Variants in NKAIN2 observed in about 807,000 individuals in gnomAD.
NKAIN2 encodes the protein sodium/potassium-transporting ATPase subunit beta-1-interacting protein 2.
A neutral mutation model predicts 32.6 loss-of-function variants in NKAIN2; 14 were observed. The ratio of observed to expected loss-of-function variants is 0.43; its 90% CI spans 0.28 to 0.67. The LOEUF (loss-of-function observed/expected upper bound fraction) is 0.67. Ranked by LOEUF, NKAIN2 falls within the 30% of genes least tolerant of loss-of-function variation. The pLI, the probability that NKAIN2 is intolerant of heterozygous loss-of-function variation, is 0.17. For missense variants in NKAIN2, 198 were observed against 258.3 expected, an observed-to-expected ratio of 0.77 and a Z score of 1.60; for synonymous variants, 80 against 87.2, an observed-to-expected ratio of 0.92 and a Z score of 0.46.
intron 2 of NKAIN2, among the ~76,000 whole-genome samples, chr6:124,349,028 A>G (rs60092376): frequency 0.043 from 6,578 of 152,194 alleles, 269 homozygotes; most frequent in African/African-American, 0.1. Context: ...ATTTGTTAGT[A>G]CAATGTTCCT....
chr6:124,141,268 A>G (rs1787125061), intron 1 of NKAIN2, among the ~76,000 whole-genome samples: 1 of 152,170 alleles, frequency 6.6e-6, no homozygotes, highest in Non-Finnish European at 1.5e-5. Context: ...TTCACAAAGA[A>G]AAAAAATACT....
intron 1 of NKAIN2, among the ~76,000 whole-genome samples, chr6:124,081,316 A>G (rs575281364): frequency 6.6e-5 from 10 of 152,208 alleles, no homozygotes; most frequent in Middle Eastern, 3.4e-3. Flanking sequence ...TAATGAGACC[A>G]ATTTTATTTG....
intron 3 of NKAIN2, among the ~76,000 whole-genome samples, chr6:124,643,595 A>G (rs1370508267): frequency 6.6e-6 from 1 of 152,180 alleles, no homozygotes; most frequent in African/African-American, 2.4e-5. Flanking sequence ...ACTATCTTAT[A>G]TAGATTCACA....
At chr6:123,848,285 C>A (rs9490966) in intron 1 of NKAIN2, among the ~76,000 whole-genome samples, 146,929 of 152,258 alleles carry the variant, frequency 0.96, 71,035 homozygotes, top group East Asian at 1. Flanking sequence ...TGCCAACTAC[C>A]GTATGATTCT....
chr6:124,387,181 A>G lies in NKAIN2; in HGVS notation c.273+31834A>G, dbSNP rs185952326. On this transcript the variant is annotated intron_variant, in intron 3 of 6. Coordinates refer to ENST00000368417, the MANE Select transcript of NKAIN2 (RefSeq NM_001040214.3). Reference sequence around the variant, plus strand: ...CACTTACATGTATGCATATACATACATACATTTATATCTTTTTAAAGTTGA... The same window carrying G: ...CACTTACATGTATGCATATACATACGTACATTTATATCTTTTTAAAGTTGA... Among the ~76,000 whole-genome samples the G allele has an allele frequency of 1.3e-3, 199 of 152,274 alleles. 1 individual carries two copies. The highest frequency in any genetic ancestry group is 6.6e-4 in the Non-Finnish European group (45 of 68,012).
intron 4 of NKAIN2, among the ~76,000 whole-genome samples, chr6:124,706,017 G>T (rs868549): frequency 0.28 from 42,590 of 151,704 alleles, 7,335 homozygotes; most frequent in Non-Finnish European, 0.37. Context: ...CAAAGAGAAG[G>T]TTATCATGAC....
At chr6:124,817,770 T>C (rs1482555945) in intron 5 of NKAIN2, among the ~76,000 whole-genome samples, 1 of 152,226 alleles carries the variant, frequency 6.6e-6, no homozygotes, top group Non-Finnish European at 1.5e-5. Context: ...TATATCTTAT[T>C]GTATCTTACA....
intron 1 of NKAIN2, among the ~76,000 whole-genome samples, chr6:123,834,996 T>C (rs1258136089): frequency 6.6e-6 from 1 of 152,204 alleles, no homozygotes; most frequent in African/African-American, 2.4e-5. Context: ...TTTCTATATC[T>C]ATGTTCATGA....
At chr6:124,717,969 ATCTCT>A (rs1280715781) in intron 4 of NKAIN2, among the ~76,000 whole-genome samples, 1 of 152,164 alleles carries the variant, frequency 6.6e-6, no homozygotes, top group Non-Finnish European at 1.5e-5. Context: ...AAATGGTTTT[ATCTCT>A]AAGGGATCAT....
At chr6:123,904,055 C>T (rs1419082157) in intron 1 of NKAIN2, among the ~76,000 whole-genome samples, 1 of 151,798 alleles carries the variant, frequency 6.6e-6, no homozygotes, top group Non-Finnish European at 1.5e-5. Flanking sequence ...AGAAGAAACC[C>T]CGTCTCTACT....
intron 2 of NKAIN2, among the ~76,000 whole-genome samples, chr6:124,335,028 G>A (rs1199116451): frequency 2.0e-5 from 3 of 152,090 alleles, no homozygotes; most frequent in Non-Finnish European, 4.4e-5. Context: ...GAAAGAGTGA[G>A]CTTTTGCTCT....
At chr6:124,001,962 G>A (rs1213802774) in intron 1 of NKAIN2, among the ~76,000 whole-genome samples, 1 of 151,746 alleles carries the variant, frequency 6.6e-6, no homozygotes, top group Admixed American at 6.6e-5. Context: ...AAATACAATG[G>A]TATGTAACTT....
chr6:124,810,372 C>G (rs1257471454), intron 5 of NKAIN2, among the ~76,000 whole-genome samples: 1 of 151,944 alleles, frequency 6.6e-6, no homozygotes, highest in African/African-American at 2.4e-5. Flanking sequence ...TCTCAGTAAA[C>G]TATCACAAGA....
At position 124,314,417 on chromosome 6, in the gene NKAIN2, G is replaced by GA. The variant is rs773904019; in HGVS notation, c.192+31279dup. 3.9e-5 allele frequency among the ~76,000 whole-genome samples: 6 copies of GA among 152,200 alleles called. No individual in the cohort carries two copies. The East Asian group carries it at 7.7e-4, about 20-fold the overall frequency. ...AATGTTTAGACGTTTTCTTGGATTGGAAAATGTGCTCTGAGGTGCAGAGGG... is the reference window on the plus strand; with the variant it reads ...AATGTTTAGACGTTTTCTTGGATTGGAAAAATGTGCTCTGAGGTGCAGAGGG... On this transcript the variant is annotated intron_variant, in intron 2 of 6. Transcript: ENST00000368417.
intron 4 of NKAIN2, among the ~76,000 whole-genome samples, chr6:124,676,516 A>T (rs1022773680): frequency 5.3e-5 from 8 of 152,184 alleles, no homozygotes; most frequent in Non-Finnish European, 1.2e-4. Context: ...TGTTGGATGC[A>T]TAAATATCTA....
chr6:124,453,723 A>G (rs531946418), intron 3 of NKAIN2, among the ~76,000 whole-genome samples: 1 of 152,218 alleles, frequency 6.6e-6, no homozygotes, highest in South Asian at 2.1e-4. Flanking sequence ...GAGTGTTTCT[A>G]GAGTACTTAG....
chr6:124,337,952 A>T, intron 2 of NKAIN2, among the ~76,000 whole-genome samples: 1 of 152,196 alleles, frequency 6.6e-6, no homozygotes, highest in East Asian at 1.9e-4. Flanking sequence ...TTTTGTTTAC[A>T]TTGGTGTACC....
chr6:124,592,136 A>G (rs1456779124), intron 3 of NKAIN2, among the ~76,000 whole-genome samples: 6 of 152,192 alleles, frequency 3.9e-5, no homozygotes, highest in Non-Finnish European at 7.3e-5. Context: ...GGGCCATTCT[A>G]ATGAGGATGT....
intron 2 of NKAIN2, among the ~76,000 whole-genome samples, chr6:124,294,112 T>C (rs1019718039): frequency 6.6e-6 from 1 of 152,120 alleles, no homozygotes; most frequent in Admixed American, 6.6e-5. Context: ...AAGTCCATGA[T>C]AGGGTGGCTG....
Sources: gnomAD v4.1 joint callset for allele counts (sites outside exome capture counted in the v4.1 genomes callset) on GRCh38, gnomAD v4.1.1 for gene constraint, MANE v1.5 for transcripts, NCBI Gene and HGNC (gene_info 2026-07-23, HGNC 2026-07-21) for gene names.